Variants in MZT2B observed in about 807,000 individuals in gnomAD.
MZT2B encodes the protein mitotic spindle organizing protein 2B, also known as mitotic-spindle organizing protein 2B.
MZT2B carries 11 observed loss-of-function variants against 12.1 expected under a neutral mutation model. The ratio of observed to expected loss-of-function variants is 0.91; its 90% CI spans 0.57 to 1.50. The LOEUF is 1.50. Among genes scored for constraint, MZT2B ranks in the 40% most tolerant of loss-of-function variants. MZT2B has a pLI of 0.00. For synonymous variants in MZT2B, 85 were observed against 109.5 expected (o/e 0.78, Z 1.40); for missense variants, 209 against 227.7 (o/e 0.92, Z 0.53).
chr2:130,188,079 A>G (rs1690125689), intron 2 of MZT2B: 1 of 152,066 alleles, frequency 6.6e-6, no homozygotes, highest in Non-Finnish European at 1.5e-5. Flanking sequence ...AAAAAAAAAA[A>G]AGCATTATTT....
downstream of MZT2B, chr2:130,191,620 G>T (rs1690259847): frequency 1.4e-6 from 1 of 718,852 alleles, no homozygotes; most frequent in Non-Finnish European, 2.2e-6. Flanking sequence ...AGCTGCTTAT[G>T]TACAGTCCTG....
chr2:130,194,198 C>T (rs759371727), downstream of MZT2B: 81 of 1,612,954 alleles, frequency 5.0e-5, no homozygotes, highest in South Asian at 3.6e-4. Context: ...GTCCAGGTTG[C>T]GCCGACATAT....
At chr2:130,198,450 C>T in the MZT2B span, 18 of 1,321,876 alleles carry the variant, frequency 1.4e-5, 3 homozygotes, top group South Asian at 6.9e-5. Flanking sequence ...GACCTGCCCA[C>T]GCGCGCCGCA....
the MZT2B span, among the ~76,000 whole-genome samples, chr2:130,199,343 G>A: frequency 4.1e-5 from 5 of 121,704 alleles, 1 homozygote; most frequent in African/African-American, 5.9e-5. Flanking sequence ...TCAGGAGTTC[G>A]AGACCAGCCT....
upstream of MZT2B, chr2:130,181,865 C>T (rs1420898022): frequency 1.3e-6 from 2 of 1,527,714 alleles, no homozygotes; most frequent in Non-Finnish European, 1.8e-6. Context: ...CCCCCCCTTC[C>T]CCCCGCCCGC....
downstream of MZT2B, chr2:130,193,920 G>T (rs374949875): frequency 1.2e-6 from 2 of 1,614,224 alleles, no homozygotes; most frequent in Non-Finnish European, 1.7e-6. Flanking sequence ...TTGCCATGGC[G>T]AGGGTCACAC....
chr2:130,183,724 G>A (rs1189384862), intron 2 of MZT2B: 10 of 1,550,340 alleles, frequency 6.5e-6, no homozygotes, highest in African/African-American at 1.4e-5. Context: ...GGGCACCTGC[G>A]TGCTGGCCTC....
chr2:130,183,107 C>T (rs543953030), intron 2 of MZT2B: 46 of 467,436 alleles, frequency 9.8e-5, no homozygotes, highest in African/African-American at 6.2e-4. Context: ...CCCTGGCTCA[C>T]GCCTATAATC....
downstream of MZT2B, among the ~76,000 whole-genome samples, chr2:130,193,213 C>CTACTA (rs1277846574): frequency 6.6e-6 from 1 of 151,734 alleles, no homozygotes; most frequent in Non-Finnish European, 1.5e-5. Context: ...CAGGATCACA[C>CTACTA]TACTACAGCC....
At chr2:130,189,623 C>T (rs545777924) in intron 2 of MZT2B, among the ~76,000 whole-genome samples, 14 of 152,298 alleles carry the variant, frequency 9.2e-5, no homozygotes, top group Non-Finnish European at 1.0e-4. Context: ...GCCTGCTACC[C>T]GGGCACGTTT....
At chr2:130,187,644 CAGT>C (rs1269341642) in intron 2 of MZT2B, among the ~76,000 whole-genome samples, 1 of 152,200 alleles carries the variant, frequency 6.6e-6, no homozygotes, top group Admixed American at 6.5e-5. Context: ...CCGTCTGACT[CAGT>C]AGCCCCTCCC....
chr2:130,202,185 T>G, the MZT2B span: 19 of 564,188 alleles, frequency 3.4e-5, no homozygotes, highest in South Asian at 3.9e-4. Context: ...GCCTTGTGTA[T>G]TTTATTTAGT....
At chr2:130,194,458 C>A (rs770082586), downstream of MZT2B, 3 of 1,555,736 alleles carry the variant, frequency 1.9e-6, no homozygotes, top group Non-Finnish European at 1.7e-6. Flanking sequence ...GTCCTGTGCA[C>A]AGATCCGCCT....
At chr2:130,185,879 GCATAGCC>G (rs1690041415) in intron 2 of MZT2B, among the ~76,000 whole-genome samples, 1 of 152,160 alleles carries the variant, frequency 6.6e-6, no homozygotes, top group Admixed American at 6.5e-5. Context: ...TGTCCTGGAA[GCATAGCC>G]CAGGTCCTGT....
At chr2:130,194,071 G>T (rs1690341819), downstream of MZT2B, 1 of 1,614,096 alleles carries the variant, frequency 6.2e-7, no homozygotes, top group Non-Finnish European at 8.5e-7. Context: ...GCACGAGGTT[G>T]GTCTGGAATT....
chr2:130,181,929 T>C (rs1689690040), upstream of MZT2B: 2 of 1,457,306 alleles, frequency 1.4e-6, no homozygotes, highest in African/African-American at 2.8e-5. Context: ...ATTGCACGCT[T>C]TCTTGAAAGA....
At chr2:130,182,998 T>A in intron 2 of MZT2B, 1 of 807,166 alleles carries the variant, frequency 1.2e-6, no homozygotes, top group South Asian at 1.9e-5. Context: ...CCCAGGGTGG[T>A]CCAGGCTGGG....
chr2:130,191,872 C>T, downstream of MZT2B: 1 of 1,613,512 alleles, frequency 6.2e-7, no homozygotes, highest in Non-Finnish European at 8.5e-7. Context: ...TCCACGGAAT[C>T]CACGCCCACC....
chr2:130,185,702 C>G (rs1361653911), intron 2 of MZT2B, among the ~76,000 whole-genome samples: 2 of 105,222 alleles, frequency 1.9e-5, no homozygotes, highest in African/African-American at 7.5e-5. Context: ...TGGGGGGGCA[C>G]GGTCAAGATG....
Sources: gnomAD v4.1 joint callset for allele counts (sites outside exome capture counted in the v4.1 genomes callset) on GRCh38, gnomAD v4.1.1 for gene constraint, MANE v1.5 for transcripts, NCBI Gene and HGNC (gene_info 2026-07-23, HGNC 2026-07-21) for gene names.